SGPP1: variants seen among roughly 807,000 people sequenced by gnomAD.
SGPP1 encodes the protein hSPP1.
In SGPP1, 21 loss-of-function variants were observed where a neutral mutation model predicts 33.0. The ratio of observed to expected loss-of-function variants is 0.64; its 90% CI spans 0.45 to 0.92. SGPP1 has a LOEUF of 0.92. Ranked by LOEUF, SGPP1 falls within the 40% of genes least tolerant of loss-of-function variation. SGPP1 has a pLI of 0.00. For synonymous variants in SGPP1, 239 were observed against 241.2 expected, an observed-to-expected ratio of 0.99 and a Z score of 0.08; for missense variants, 543 against 589.4, an observed-to-expected ratio of 0.92 and a Z score of 0.81.
rs374820252 is a variant in SGPP1 at position 63,727,982 on chromosome 14, C to A, written c.-38G>T. 3.1e-3 allele frequency: 4,651 copies of A among 1,519,564 alleles called. 80 individuals carry two copies. Among genetic ancestry groups the A allele is most frequent in the South Asian group, 0.027 (2,214 of 82,860 alleles). 94.1% of individuals were successfully genotyped at this position (1,519,564 alleles called of 1,614,324 possible). A position where few individuals can be genotyped will look rare whatever the true frequency, so the allele number is the denominator to read the frequency against. ...CCCGGGAAGGCGGGCCGGCCTCCGG[C>A]GCAGCCCCGAACTGTCCCCGCGCTC... On this transcript the variant is annotated 5_prime_UTR_variant, in exon 1 of 3. Coordinates refer to ENST00000247225, the MANE Select transcript of SGPP1 (RefSeq NM_030791.4).
intron 1 of SGPP1, among the ~76,000 whole-genome samples, chr14:63,717,347 C>T (rs1436618208): frequency 1.3e-5 from 2 of 148,986 alleles, no homozygotes; most frequent in East Asian, 3.9e-4. Context: ...CGGAGTCTCA[C>T]TCTGTCGCTC....
At chr14:63,693,605 T>C (rs770786606) in intron 2 of SGPP1, among the ~76,000 whole-genome samples, 2 of 152,126 alleles carry the variant, frequency 1.3e-5, no homozygotes, top group Non-Finnish European at 2.9e-5. Context: ...AAGTTAGCTT[T>C]TTATTAATTA....
In SGPP1 at chr14:63,691,430, C is replaced by A. The variant is rs189123778; in HGVS notation, c.775-4774G>T. The stretch of plus-strand genomic sequence containing the variant: ...TTATCTTTCCTACCTATATTTCAGG[C>A]AAACTATTATATATTCTTTGAGATT... On this transcript the variant is annotated intron_variant, in intron 2 of 2. Coordinates refer to ENST00000247225, the MANE Select transcript of SGPP1 (RefSeq NM_030791.4). Among the ~76,000 whole-genome samples the A allele has an allele frequency of 7.7e-4, 117 of 152,272 alleles. 2 individuals carry two copies. In the East Asian group the frequency reaches 0.016, roughly 20 times the overall value.
At chr14:63,693,276 CT>C (rs1221456448) in intron 2 of SGPP1, among the ~76,000 whole-genome samples, 1 of 152,238 alleles carries the variant, frequency 6.6e-6, no homozygotes, top group African/African-American at 2.4e-5. Flanking sequence ...ATAACTTCAC[CT>C]TATGAGGTTA....
chr14:63,698,635 A>C lies in SGPP1; in HGVS notation c.708T>G (p.Ile236Met), dbSNP rs1264426849. The C allele has an allele frequency of 6.2e-7, 1 of 1,602,534 alleles. No homozygotes were observed. The highest frequency in any genetic ancestry group is 8.5e-7 in the Non-Finnish European group (1 of 1,173,406). ...RWQYPLIYGL[I>M]LIPCWCSLVC... ...CTAGAGAACACCAGCAGGGAATAAG[A>C]ATCAGTCCATATATAAGAGGGTACT... Residue 236 changes from isoleucine (I) to methionine (M), a missense_variant, in exon 2 of 3, where the codon ATT becomes ATG. By Grantham distance (10) the Ile-to-Met change is conservative. Coordinates refer to ENST00000247225, the MANE Select transcript of SGPP1 (RefSeq NM_030791.4).
chr14:63,727,169 G>A, intron 1 of SGPP1, 92 bp downstream of exon 1: 1 of 1,467,008 alleles, frequency 6.8e-7, no homozygotes, highest in South Asian at 1.4e-5. Context: ...GCTTTGGAGG[G>A]GAACGGTCGA....
chr14:63,726,341 T>C (rs1885878915), intron 1 of SGPP1, among the ~76,000 whole-genome samples: 1 of 151,972 alleles, frequency 6.6e-6, no homozygotes, highest in South Asian at 2.1e-4. Context: ...GATTAACAAA[T>C]CTTACAGTTC....
chr14:63,685,966 G>C lies in SGPP1; in HGVS notation c.*139C>G, dbSNP rs1027461111. The C allele has an allele frequency of 1.8e-6, 1 of 552,844 alleles. No homozygotes were observed. Among genetic ancestry groups the C allele is most frequent in the Non-Finnish European group, 3.1e-6 (1 of 318,798 alleles). The allele number at this position is 552,844 out of a possible 1,614,324, so 34.2% of individuals were successfully genotyped here. Reference sequence around the variant, plus strand: ...TGGATGTGCAATGATAAAATGCACTGACTCTTATGAATTTACTTAAATAAT... The same window carrying C: ...TGGATGTGCAATGATAAAATGCACTCACTCTTATGAATTTACTTAAATAAT... On this transcript the variant is annotated 3_prime_UTR_variant, in exon 3 of 3. Coordinates refer to ENST00000247225, the MANE Select transcript of SGPP1 (RefSeq NM_030791.4).
intron 2 of SGPP1, among the ~76,000 whole-genome samples, chr14:63,695,502 G>A (rs1376959661): frequency 8.5e-5 from 13 of 152,300 alleles, no homozygotes; most frequent in Middle Eastern, 3.4e-3. Context: ...GACTTTTGAA[G>A]TATCTATCTT....
intron 1 of SGPP1, among the ~76,000 whole-genome samples, chr14:63,710,972 T>C (rs1885508712): frequency 6.6e-6 from 1 of 152,024 alleles, no homozygotes. Flanking sequence ...AACTATTTCA[T>C]AGGAATATTT....
intron 1 of SGPP1, among the ~76,000 whole-genome samples, chr14:63,722,920 C>T (rs570161204): frequency 3.4e-5 from 5 of 146,744 alleles, no homozygotes; most frequent in African/African-American, 1.0e-4. Context: ...TGCAGTGAGC[C>T]GGAATCGTGC....
intron 1 of SGPP1, among the ~76,000 whole-genome samples, chr14:63,711,136 C>T (rs1308609715): frequency 1.3e-5 from 2 of 151,846 alleles, no homozygotes; most frequent in Non-Finnish European, 2.9e-5. Context: ...GCCTCAGCCT[C>T]CCAAGTAGCT....
chr14:63,712,731 C>T (rs578227807), intron 1 of SGPP1, among the ~76,000 whole-genome samples: 8 of 150,130 alleles, frequency 5.3e-5, no homozygotes, highest in South Asian at 2.1e-4. Flanking sequence ...ACAATGGCAC[C>T]GTTACAGTTC....
At position 63,686,124 on chromosome 14, in the gene SGPP1, A is replaced by T. The variant is rs1226943850; in HGVS notation, c.1307T>A (p.Phe436Tyr). 6.3e-7 allele frequency: 1 copy of T among 1,596,430 alleles called. No individual in the cohort carries two copies. The highest frequency in any genetic ancestry group is 2.2e-5 in the East Asian group (1 of 44,664). Residue 436 changes from phenylalanine to tyrosine, a missense_variant, in exon 3 of 3, where the codon TTC (phenylalanine) becomes TAC (tyrosine). By Grantham distance (22) the Phe-to-Tyr change is conservative. Coordinates refer to ENST00000247225, the MANE Select transcript of SGPP1 (RefSeq NM_030791.4). ...SITFFVPYIF[F>Y]FIGIS ...TCTCCATCAAGAGATACCAATAAAG[A>T]AAAATATGTAAGGAACAAAAAATGT...
chr14:63,710,430 T>C (rs968933174), intron 1 of SGPP1, among the ~76,000 whole-genome samples: 5 of 152,246 alleles, frequency 3.3e-5, no homozygotes. Flanking sequence ...CACTATTTAC[T>C]TCATGCATTA....
chr14:63,721,229 A>T (rs985853609), intron 1 of SGPP1, among the ~76,000 whole-genome samples: 1 of 152,170 alleles, frequency 6.6e-6, no homozygotes, highest in Non-Finnish European at 1.5e-5. Context: ...TGGGTGAGCC[A>T]AGATCGTGCC....
intron 1 of SGPP1, among the ~76,000 whole-genome samples, chr14:63,700,598 C>T (rs1230824324): frequency 6.6e-6 from 1 of 151,858 alleles, no homozygotes; most frequent in African/African-American, 2.4e-5. Context: ...AACACAAAAG[C>T]ATGCAAATGA....
At position 63,724,304 on chromosome 14, in the gene SGPP1, T is replaced by C. The variant is rs986521855; in HGVS notation, c.684+2957A>G. Among the ~76,000 whole-genome samples, 16 of 152,142 alleles carry C rather than the reference T, an allele frequency of 1.1e-4. No homozygotes were observed. The South Asian group carries it at 3.3e-3, about 32-fold the overall frequency. ...AGAAACATTAAGTAGTAGGTAGTAG[T>C]GAAGTAGTAAAGCCAAGACAAAGGA... On this transcript the variant is annotated intron_variant, in intron 1 of 2. Coordinates refer to ENST00000247225, the MANE Select transcript of SGPP1 (RefSeq NM_030791.4).
chr14:63,687,768 G>A (rs1209499807), intron 2 of SGPP1, among the ~76,000 whole-genome samples: 2 of 152,138 alleles, frequency 1.3e-5, no homozygotes, highest in East Asian at 3.9e-4. Context: ...TGTCGAAACT[G>A]CTTGAGCCCA....
Sources: allele counts gnomAD v4.1 joint callset (sites outside exome capture counted in the v4.1 genomes callset), GRCh38; gene constraint gnomAD v4.1.1; transcripts MANE v1.5; gene names NCBI Gene and HGNC (gene_info 2026-07-23, HGNC 2026-07-21).